METTL4: variants seen among roughly 807,000 people sequenced by gnomAD.
METTL4 encodes N(6)-adenine-specific methyltransferase METTL4.
Under a neutral mutation model 54.0 loss-of-function variants are expected in METTL4, and 40 were observed. The observed-to-expected ratio is 0.74, with a 90% CI of 0.58 to 0.96. The LOEUF (loss-of-function observed/expected upper bound fraction) is 0.96. METTL4 is among the 50% of genes least tolerant of loss of function. METTL4 has a pLI of 0.00. For synonymous variants in METTL4, 169 were observed against 183.8 expected (o/e 0.92, Z 0.65); for missense variants, 525 against 549.0 (o/e 0.96, Z 0.44).
chr18:2,545,117 C>T (rs1401907635), intron 6 of METTL4, among the ~76,000 whole-genome samples: 2 of 152,266 alleles, frequency 1.3e-5, no homozygotes, highest in East Asian at 1.9e-4. Context: ...GGACTAGCCA[C>T]ATTTCAAGTG....
intron 5 of METTL4, among the ~76,000 whole-genome samples, chr18:2,548,486 A>T (rs1211309392): frequency 2.6e-5 from 4 of 152,212 alleles, no homozygotes; most frequent in Non-Finnish European, 5.9e-5. Flanking sequence ...AAGCTCTGAG[A>T]TCCCACTACC....
chr18:2,540,854 T>C, intron 8 of METTL4: 1 of 985,440 alleles, frequency 1.0e-6, no homozygotes, highest in East Asian at 1.1e-4. Flanking sequence ...ACGAAGATGT[T>C]AGCAACCCTA....
Position 2,554,844 on chromosome 18 carries a change from T to C in METTL4, c.654A>G (p.Thr218=), listed in dbSNP as rs1374474448. Residue 218 remains threonine (T), a synonymous_variant, in exon 4 of 9, where the codon ACA becomes ACG. Coordinates refer to ENST00000574538, the MANE Select transcript of METTL4 (RefSeq NM_022840.5). ...ATGTATCCTCTTCCACCAATTGTAA[T>C]GTCTGATGTTCCATTTCATTCAGAG... The part of the protein sequence containing the change: ...LPSLNEMEHQ[T]LQLVEEDTSV... 6.2e-6 allele frequency: 10 copies of C among 1,613,856 alleles called. No homozygotes were observed. The highest frequency in any genetic ancestry group is 8.5e-6 in the Non-Finnish European group (10 of 1,179,888).
intron 5 of METTL4, 130 bp from the exon 6 acceptor site, chr18:2,547,659 T>C: frequency 1.6e-6 from 1 of 638,294 alleles, no homozygotes; most frequent in Non-Finnish European, 2.4e-6. Flanking sequence ...TGTAGCAAAA[T>C]ATAAAGCCAC....
In METTL4 at chr18:2,544,691, T is replaced by C; in HGVS notation, c.1143A>G (p.Ile381Met). Residue 381 changes from isoleucine (I) to methionine (M), a missense_variant, in exon 7 of 9, where the codon ATA becomes ATG. Ile to Met is a conservative substitution (Grantham distance 10). Coordinates refer to ENST00000574538, the MANE Select transcript of METTL4 (RefSeq NM_022840.5). ...CAGTTTTTTCTTGAACCCTCCCCAGTATAAGACCTTCGTAGGGCTTTTTGT... is the reference window on the plus strand; with the variant it reads ...CAGTTTTTTCTTGAACCCTCCCCAGCATAAGACCTTCGTAGGGCTTTTTGT... ...SPHKKPYEGL[I>M]LGRVQEKTAL... 1 of 1,613,070 alleles carries C rather than the reference T, an allele frequency of 6.2e-7. No individual in the cohort carries two copies. Among genetic ancestry groups the C allele is most frequent in the South Asian group, 1.1e-5 (1 of 91,002 alleles).
In METTL4 at chr18:2,554,646, TAAC is replaced by T. The variant is rs2072209814; in HGVS notation, c.829+20_829+22del. 2 of 1,574,428 alleles carry T rather than the reference TAAC, an allele frequency of 1.3e-6. No individual in the cohort carries two copies. The highest frequency in any genetic ancestry group is 4.5e-5 in the East Asian group (2 of 44,742). On this transcript the variant is annotated intron_variant, in intron 4 of 8. Coordinates refer to ENST00000574538, the MANE Select transcript of METTL4 (RefSeq NM_022840.5). ...CCACGGAAAAATTATCTTTTTCTAATAACAAACACAATAATTACTTACAGTTTA... is the reference window on the plus strand; with the variant it reads ...CCACGGAAAAATTATCTTTTTCTAATAAACACAATAATTACTTACAGTTTA...
At chr18:2,540,103 C>T in intron 8 of METTL4, 10 of 980,182 alleles carry the variant, frequency 1.0e-5, no homozygotes, top group Non-Finnish European at 1.1e-5. Flanking sequence ...TTAATAACTA[C>T]TGAACATTGT....
At chr18:2,570,656 G>T (rs2072489414) in intron 1 of METTL4, among the ~76,000 whole-genome samples, 1 of 151,930 alleles carries the variant, frequency 6.6e-6, no homozygotes, top group Non-Finnish European at 1.5e-5. Context: ...CCCCTTCATA[G>T]GCCACAGCTG....
Position 2,539,092 on chromosome 18 carries a change from G to C in METTL4, c.1327C>G (p.Arg443Gly). The C allele has an allele frequency of 1.2e-6, 2 of 1,613,814 alleles. No individual in the cohort carries two copies. The highest frequency in any genetic ancestry group is 1.1e-5 in the South Asian group (1 of 91,072). The change falls in exon 9 of 9, where the codon CGA becomes GGA. Residue 443 changes from arginine (R) to glycine (G), a missense_variant. Transcript: ENST00000574538. ...CTAGTCCAACCTGGCTGTAAATTTC[G>C]AGCAAACAACTCCAAATATTCCCCA... ...PDGEYLELFA[R>G]NLQPGWTSWG...
At chr18:2,565,995 T>C (rs972943549) in intron 2 of METTL4, among the ~76,000 whole-genome samples, 20 of 149,296 alleles carry the variant, frequency 1.3e-4, no homozygotes, top group South Asian at 4.2e-4. Context: ...TGCAGTGAGC[T>C]GAGATAGCAC....
At chr18:2,554,047 A>G (rs1489729304) in intron 4 of METTL4, 1 of 152,170 alleles carries the variant, frequency 6.6e-6, no homozygotes, top group South Asian at 2.1e-4. Flanking sequence ...ATTAAATTCA[A>G]TCTGATCAAT....
At chr18:2,560,250 T>C (rs1000932409) in intron 3 of METTL4, among the ~76,000 whole-genome samples, 11 of 151,506 alleles carry the variant, frequency 7.3e-5, no homozygotes, top group African/African-American at 2.4e-4. Context: ...CTTCTATCAA[T>C]AAATAAAGAA....
rs150763942 is a variant in METTL4, at chr18:2,557,101, C to A, written c.460-2063G>T. Among the ~76,000 whole-genome samples, 7 of 151,998 alleles carry A rather than the reference C, an allele frequency of 4.6e-5. No individual in the cohort carries two copies. The East Asian group carries it at 1.4e-3, about 29-fold the overall frequency. ...AGGCCATAGAAAGGAAGAATCTGAG[C>A]AGAGCCTGGAAGAATCCCTGAGTTG... is the stretch of plus-strand genomic sequence containing the variant. On this transcript the variant is annotated intron_variant, in intron 3 of 8. Coordinates refer to ENST00000574538, the MANE Select transcript of METTL4 (RefSeq NM_022840.5).
At chr18:2,560,353 A>T (rs959510749) in intron 3 of METTL4, among the ~76,000 whole-genome samples, 49 of 152,218 alleles carry the variant, frequency 3.2e-4, no homozygotes, top group African/African-American at 1.1e-3. Context: ...GTTCTATCAA[A>T]CTTTATCAAA....
At chr18:2,561,508 A>C (rs2072316570) in intron 3 of METTL4, 3 of 152,246 alleles carry the variant, frequency 2.0e-5, no homozygotes. Flanking sequence ...TAGAAATTTA[A>C]CTTGATGCCA....
At chr18:2,553,256 C>T (rs2072189739) in intron 4 of METTL4, 1 of 152,248 alleles carries the variant, frequency 6.6e-6, no homozygotes, top group African/African-American at 2.4e-5. Context: ...TCCTAACTCT[C>T]CTCCAACCTG....
chr18:2,557,709 G>A (rs938389117), intron 3 of METTL4, among the ~76,000 whole-genome samples: 4 of 152,194 alleles, frequency 2.6e-5, no homozygotes, highest in Non-Finnish European at 5.9e-5. Flanking sequence ...TAACTATGTT[G>A]ATTGCCACTG....
chr18:2,546,432 T>C (rs1418680890), intron 6 of METTL4, among the ~76,000 whole-genome samples: 1 of 152,140 alleles, frequency 6.6e-6, no homozygotes, highest in African/African-American at 2.4e-5. Context: ...TGGGGTTCAG[T>C]ACCATCCATG....
chr18:2,555,300 G>T (rs2072223253), intron 3 of METTL4: 1 of 408,758 alleles, frequency 2.4e-6, no homozygotes, highest in East Asian at 5.0e-5. Flanking sequence ...ACATGTATAA[G>T]GTAAATTTGA....
Sources: gnomAD v4.1 joint callset for allele counts (sites outside exome capture counted in the v4.1 genomes callset) on GRCh38, gnomAD v4.1.1 for gene constraint, MANE v1.5 for transcripts, NCBI Gene and HGNC (gene_info 2026-07-23, HGNC 2026-07-21) for gene names.